Variants in TFB1M observed in about 807,000 individuals in gnomAD.
The protein encoded by TFB1M is transcription factor B1, mitochondrial.
A neutral mutation model predicts 31.1 loss-of-function variants in TFB1M; 27 were observed. The observed-to-expected ratio is 0.87, with a 90% CI of 0.64 to 1.20. The LOEUF is 1.20. Ranked by LOEUF, TFB1M falls within the 50% of genes most tolerant of loss-of-function variation. The probability of loss-of-function intolerance (pLI) is 0.00; values close to 1 mark genes in which losing one functional copy is unlikely to be tolerated. For missense variants in TFB1M, 394 were observed against 418.7 expected (o/e 0.94, Z 0.51); for synonymous variants, 166 against 151.8 (o/e 1.09, Z -0.69).
intron 2 of TFB1M, among the ~76,000 whole-genome samples, chr6:155,299,284 G>T (rs951430668): frequency 6.6e-6 from 1 of 151,940 alleles, no homozygotes; most frequent in South Asian, 2.1e-4. Flanking sequence ...GAGCAAAAAG[G>T]GGAAAAAAAG....
chr6:155,261,230 T>C (rs955758299), intron 5 of TFB1M, among the ~76,000 whole-genome samples: 4 of 152,178 alleles, frequency 2.6e-5, no homozygotes, highest in Non-Finnish European at 5.9e-5. Context: ...ACGGAGACCA[T>C]GGTCTAGGAA....
the TFB1M span, among the ~76,000 whole-genome samples, chr6:155,248,976 A>G: frequency 0.037 from 5,582 of 152,276 alleles, 353 homozygotes; most frequent in African/African-American, 0.13. Flanking sequence ...ATCAAAATCA[A>G]CAAGAGGAAA....
intron 2 of TFB1M, among the ~76,000 whole-genome samples, chr6:155,309,074 G>T (rs936798166): frequency 1.3e-5 from 2 of 152,146 alleles, no homozygotes; most frequent in Non-Finnish European, 2.9e-5. Flanking sequence ...TTCCTCTAGA[G>T]TAATTTAACT....
chr6:155,248,226 G>T, the TFB1M span: 1 of 1,573,144 alleles, frequency 6.4e-7, no homozygotes. Context: ...ACAGGGCGGC[G>T]AGGGGCTGCC....
the TFB1M span, among the ~76,000 whole-genome samples, chr6:155,247,637 G>A: frequency 1.3e-5 from 2 of 152,218 alleles, no homozygotes; most frequent in East Asian, 3.9e-4. Flanking sequence ...CACGCTTCAT[G>A]GCTTTTAATG....
the TFB1M span, among the ~76,000 whole-genome samples, chr6:155,238,833 C>T: frequency 6.6e-6 from 1 of 152,192 alleles, no homozygotes; most frequent in African/African-American, 2.4e-5. Flanking sequence ...GGAACTGTTT[C>T]TACTTCTTTG....
the TFB1M span, among the ~76,000 whole-genome samples, chr6:155,233,579 C>G: frequency 6.6e-6 from 1 of 152,194 alleles, no homozygotes; most frequent in Non-Finnish European, 1.5e-5. Flanking sequence ...GCTTAGACGT[C>G]TGCCTGAATT....
At chr6:155,244,521 GTCT>G in the TFB1M span, 2 of 1,061,266 alleles carry the variant, frequency 1.9e-6, no homozygotes, top group Non-Finnish European at 2.7e-6. Flanking sequence ...TGAATGTGCT[GTCT>G]TCTTAAAGGA....
chr6:155,249,237 T>TATTC, the TFB1M span, among the ~76,000 whole-genome samples: 1 of 152,236 alleles, frequency 6.6e-6, no homozygotes, highest in African/African-American at 2.4e-5. Flanking sequence ...GTATCTCTCA[T>TATTC]ATTCCCTCGC....
chr6:155,284,473 C>T (rs907365691), intron 5 of TFB1M, among the ~76,000 whole-genome samples: 1 of 152,166 alleles, frequency 6.6e-6, no homozygotes, highest in African/African-American at 2.4e-5. Flanking sequence ...ACTCCCCTTG[C>T]TACCCAACGC....
chr6:155,257,146 A>AAAT lies in TFB1M; in HGVS notation c.*687_*689dup. 6.2e-7 allele frequency: 1 copy of AAAT among 1,603,014 alleles called. No individual in the cohort carries two copies. Among genetic ancestry groups the AAAT allele is most frequent in the South Asian group, 1.1e-5 (1 of 90,212 alleles). On this transcript the variant is annotated 3_prime_UTR_variant, in exon 7 of 7. Transcript: ENST00000367166. ...GTATGATTCAATCCAGATATGGGTT[A>AAAT]AATTCCTCATTTTACTTTTAAACTG... is the stretch of plus-strand genomic sequence containing the variant.
chr6:155,256,432 C>A lies in TFB1M; in HGVS notation c.*1404G>T, dbSNP rs772566728. The A allele has an allele frequency of 6.2e-7, 1 of 1,611,004 alleles. No individual in the cohort carries two copies. The highest frequency in any genetic ancestry group is 8.5e-7 in the Non-Finnish European group (1 of 1,178,980). ...CACAAGCTTTGAGGCAAACATTACA[C>A]ATTGTGTAACCTGTTTCTGTATCAC... is the stretch of plus-strand genomic sequence containing the variant. On this transcript the variant is annotated 3_prime_UTR_variant, in exon 7 of 7. Coordinates refer to ENST00000367166, the MANE Select transcript of TFB1M (RefSeq NM_016020.4).
chr6:155,253,873 T>G, downstream of TFB1M: 3 of 841,302 alleles, frequency 3.6e-6, no homozygotes, highest in Non-Finnish European at 5.6e-6. Context: ...CTGGGAATAT[T>G]AGACTTTCTT....
At chr6:155,273,273 A>G (rs1034952235) in intron 5 of TFB1M, among the ~76,000 whole-genome samples, 4 of 152,232 alleles carry the variant, frequency 2.6e-5, no homozygotes, top group South Asian at 2.1e-4. Context: ...ATGTCTACAG[A>G]TAAGTCTGAC....
At chr6:155,291,560 G>A (rs1435190069) in intron 4 of TFB1M, among the ~76,000 whole-genome samples, 1 of 152,216 alleles carries the variant, frequency 6.6e-6, no homozygotes, top group Non-Finnish European at 1.5e-5. Context: ...CTGAGAGAAA[G>A]ATTTTATGGC....
chr6:155,240,969 G>C, the TFB1M span, among the ~76,000 whole-genome samples: 1 of 152,242 alleles, frequency 6.6e-6, no homozygotes, highest in African/African-American at 2.4e-5. Flanking sequence ...CAGATGTTCT[G>C]GTTTGTCATT....
At chr6:155,252,960 C>T (rs114979735), downstream of TFB1M, 661 of 1,614,120 alleles carry the variant, frequency 4.1e-4, 7 homozygotes, top group East Asian at 9.7e-3. Context: ...CTCGAATTCC[C>T]GGCCTGCACA....
the TFB1M span, chr6:155,250,716 T>C: frequency 8.1e-7 from 1 of 1,237,640 alleles, no homozygotes; most frequent in East Asian, 2.5e-5. Flanking sequence ...ACCTTTATGT[T>C]ATTCATCAGA....
At chr6:155,292,193 G>A (rs990381869) in intron 4 of TFB1M, among the ~76,000 whole-genome samples, 1 of 152,146 alleles carries the variant, frequency 6.6e-6, no homozygotes, top group Non-Finnish European at 1.5e-5. Context: ...CAGACCTGGA[G>A]ATCTGGGAGG....
Sources: gnomAD v4.1 joint callset for allele counts (sites outside exome capture counted in the v4.1 genomes callset) on GRCh38, gnomAD v4.1.1 for gene constraint, MANE v1.5 for transcripts, NCBI Gene and HGNC (gene_info 2026-07-23, HGNC 2026-07-21) for gene names.